ZNF507: variants seen among roughly 807,000 people sequenced by gnomAD.
ZNF507 encodes the protein zinc finger protein 507.
ZNF507 carries 29 observed loss-of-function variants against 80.0 expected under a neutral mutation model. The ratio of observed to expected loss-of-function variants is 0.36; its 90% CI spans 0.27 to 0.49. The LOEUF (loss-of-function observed/expected upper bound fraction) is 0.49, where lower values mean the gene tolerates loss of function less well. Ranked by LOEUF, ZNF507 falls within the 20% of genes least tolerant of loss-of-function variation. The pLI is 0.98. For missense variants in ZNF507, 1,081 were observed against 1,152.2 expected (o/e 0.94, Z 0.90); for synonymous variants, 462 against 422.5 (o/e 1.09, Z -1.15).
intron 4 of ZNF507, chr19:32,356,974 T>A (rs1967261162): frequency 2.6e-6 from 1 of 390,562 alleles, no homozygotes; most frequent in African/African-American, 2.1e-5. Context: ...AGTTGAAACT[T>A]AAGAGCCCCT....
chr19:32,378,242 A>G (rs919617198), intron 5 of ZNF507, among the ~76,000 whole-genome samples: 1 of 152,008 alleles, frequency 6.6e-6, no homozygotes, highest in South Asian at 2.1e-4. Context: ...AATCCCAGCT[A>G]CTCGGGAGGC....
intron 4 of ZNF507, chr19:32,358,292 T>C (rs1159614674): frequency 2.0e-5 from 3 of 152,234 alleles, no homozygotes; most frequent in African/African-American, 4.8e-5. Flanking sequence ...ACAAATAAGG[T>C]AATAATAATT....
chr19:32,371,479 C>CA (rs558295166), intron 5 of ZNF507, among the ~76,000 whole-genome samples: 42,041 of 111,990 alleles, frequency 0.38, 7,458 homozygotes, highest in East Asian at 0.59. Flanking sequence ...ACTCCCATCT[C>CA]AAAAAAAAAA....
rs1460910146 is a variant in ZNF507, at chr19:32,356,725, T to C, written c.2237T>C (p.Val746Ala). Residue 746 changes from valine (V) to alanine (A), a missense_variant, in exon 4 of 7, where the codon GTC becomes GCC. Transcript: ENST00000355898. ...AGTGATACAGCTGATGGAAAATGTG[T>C]CCAGGAAGGTATCTATGTATTTTGT... Reference protein sequence around the residue: ...ISSDTADGKCVQEGNKSSVQK... With the variant: ...ISSDTADGKCAQEGNKSSVQK... 6.2e-7 allele frequency: 1 copy of C among 1,612,832 alleles called. No individual in the cohort carries two copies.
intron 5 of ZNF507, among the ~76,000 whole-genome samples, chr19:32,374,033 C>G (rs901289681): frequency 2.0e-5 from 3 of 152,188 alleles, no homozygotes; most frequent in African/African-American, 7.2e-5. Flanking sequence ...GAAGTTTGTT[C>G]TCTGCAGTTA....
chr19:32,382,724 G>C lies in ZNF507; in HGVS notation c.2503G>C (p.Gly835Arg), dbSNP rs770538666. Residue 835 changes from glycine to arginine, a missense_variant, in exon 7 of 7, where the codon GGG becomes CGG. By Grantham distance (125) the Gly-to-Arg change is moderately radical. Transcript: ENST00000355898. ...DAISQSGRVLGKSPGKTQLKS... is the reference protein window; with the variant it reads ...DAISQSGRVLRKSPGKTQLKS... ...GTTTGTTTTGTTTTTAAGAGTTCTGGGGAAATCCCCTGGAAAGACTCAATT... is the reference window on the plus strand; with the variant it reads ...GTTTGTTTTGTTTTTAAGAGTTCTGCGGAAATCCCCTGGAAAGACTCAATT... 12 of 1,611,652 alleles carry C rather than the reference G, an allele frequency of 7.4e-6. No homozygotes were observed. Among genetic ancestry groups the C allele is most frequent in the African/African-American group, 1.3e-5 (1 of 74,828 alleles).
At chr19:32,356,126 A>G (rs1166027818) in intron 3 of ZNF507, among the ~76,000 whole-genome samples, 1 of 152,192 alleles carries the variant, frequency 6.6e-6, no homozygotes, top group Non-Finnish European at 1.5e-5. Flanking sequence ...AGTCTCCAGG[A>G]GTTTCTTTTG....
intron 5 of ZNF507, among the ~76,000 whole-genome samples, chr19:32,374,188 A>ACACACACACACACT (rs57164942): frequency 1.0e-3 from 152 of 145,836 alleles, no homozygotes; most frequent in East Asian, 4.7e-3. Context: ...ACACACACAC[A>ACACACACACACACT]CTCTCTCTCT....
At position 32,383,722 on chromosome 19, in the gene ZNF507, G is replaced by A. The variant is rs890706113; in HGVS notation, c.*639G>A. On this transcript the variant is annotated 3_prime_UTR_variant, in exon 7 of 7. Transcript: ENST00000355898. The stretch of plus-strand genomic sequence containing the variant: ...AAATTCAAAGCTAGATTGTAAATAG[G>A]CATTCAAGAAGTATTGTCTTAAATT... 3.9e-5 allele frequency: 6 copies of A among 152,176 alleles called. No homozygotes were observed. Among genetic ancestry groups the A allele is most frequent in the Non-Finnish European group, 8.8e-5 (6 of 68,048 alleles). The allele number at this position is 152,176 out of a possible 1,614,324, so 9.4% of individuals were successfully genotyped here. A position where few individuals can be genotyped will look rare whatever the true frequency, so the allele number is the denominator to read the frequency against.
Position 32,382,735 on chromosome 19 carries a change from TG to T in ZNF507, c.2516del (p.Gly839GlufsTer5). 6.2e-7 allele frequency: 1 copy of T among 1,612,810 alleles called. No individual in the cohort carries two copies. The highest frequency in any genetic ancestry group is 8.5e-7 in the Non-Finnish European group (1 of 1,179,220). On this transcript the variant is annotated frameshift_variant, in exon 7 of 7. Coordinates refer to ENST00000355898, the MANE Select transcript of ZNF507 (RefSeq NM_001136156.2). LOFTEE classifies it low-confidence loss of function (END_TRUNC). ...TTTTAAGAGTTCTGGGGAAATCCCC[TG>T]GAAAGACTCAATTAAAGAGCAGTGA... ...QSGRVLGKSP[G>X]KTQLKSSEES...
In ZNF507 at chr19:32,360,917, G is replaced by A. The variant is rs535997874; in HGVS notation, c.2360+299G>A. Among the ~76,000 whole-genome samples, 8 of 152,268 alleles carry A rather than the reference G, an allele frequency of 5.3e-5. No homozygotes were observed. The East Asian group carries it at 7.7e-4, about 15-fold the overall frequency. The stretch of plus-strand genomic sequence containing the variant: ...CTCCCAAAGTGCTGGGATTGCAGGC[G>A]TGAGCCACTGCACCTGGCTGGTATT... On this transcript the variant is annotated intron_variant, in intron 5 of 6. Transcript: ENST00000355898.
intron 5 of ZNF507, among the ~76,000 whole-genome samples, chr19:32,373,759 G>A (rs1223702271): frequency 1.3e-5 from 2 of 152,212 alleles, no homozygotes; most frequent in African/African-American, 4.8e-5. Context: ...TTACATGTAT[G>A]TCTAATTTTG....
intron 5 of ZNF507, among the ~76,000 whole-genome samples, chr19:32,378,408 G>A (rs932345030): frequency 2.6e-5 from 4 of 152,104 alleles, no homozygotes; most frequent in Admixed American, 6.6e-5. Context: ...TTAAGGAGAC[G>A]TGAGGACTAA....
chr19:32,358,586 G>A (rs1284484923), intron 4 of ZNF507: 1 of 152,192 alleles, frequency 6.6e-6, no homozygotes, highest in Non-Finnish European at 1.5e-5. Flanking sequence ...TACCGCAGGA[G>A]CTCAAATAGA....
rs1379687141 is a variant in ZNF507, at chr19:32,382,999, C to G, written c.2778C>G (p.Leu926=). The G allele has an allele frequency of 1.9e-6, 3 of 1,614,104 alleles. No individual in the cohort carries two copies. Among genetic ancestry groups the G allele is most frequent in the Non-Finnish European group, 2.5e-6 (3 of 1,180,006 alleles). ...CGFESTSKEN[L]LDHMKEHEGE... is the part of the protein sequence containing the mutation. ...TTGAATCAACCAGCAAAGAAAACCT[C>G]TTGGATCATATGAAAGAGCACGAGG... The change falls in exon 7 of 7, where the codon CTC becomes CTG. Residue 926 remains leucine (L), a synonymous_variant. Transcript: ENST00000355898.
chr19:32,353,953 G>A lies in ZNF507; in HGVS notation c.1123G>A (p.Asp375Asn). The A allele has an allele frequency of 2.5e-6, 4 of 1,614,154 alleles. No homozygotes were observed. Among genetic ancestry groups the A allele is most frequent in the Non-Finnish European group, 3.4e-6 (4 of 1,180,050 alleles). ...TGATGCAGAGGAGAATCTGATTCCT[G>A]ATAGCCTGCTTACATCAGCACAGAA... ...ISDAEENLIPDSLLTSAQKII... is the reference protein window; with the variant it reads ...ISDAEENLIPNSLLTSAQKII... The change falls in exon 3 of 7, where the codon GAT (aspartate) becomes AAT (asparagine). Residue 375 changes from aspartate to asparagine, a missense_variant. Asp to Asn is a conservative substitution (Grantham distance 23, BLOSUM62 1). Coordinates refer to ENST00000355898, the MANE Select transcript of ZNF507 (RefSeq NM_001136156.2).
rs748182349 is a variant in ZNF507 at position 32,353,382 on chromosome 19, C to T, written c.552C>T (p.Ile184=). Residue 184 remains isoleucine, a synonymous_variant, in exon 3 of 7, where the codon ATC becomes ATT. Transcript: ENST00000355898. The stretch of plus-strand genomic sequence containing the variant: ...ATGACCATGACAATGATGCCAATAT[C>T]CACACCCAATCCAAAGCCCAACAGT... ...VVNDHDNDAN[I]HTQSKAQQCV... is the part of the protein sequence containing the mutation. The T allele has an allele frequency of 1.2e-6, 2 of 1,614,184 alleles. No individual in the cohort carries two copies. Among genetic ancestry groups the T allele is most frequent in the Non-Finnish European group, 1.7e-6 (2 of 1,180,044 alleles).
chr19:32,377,802 G>A (rs1229237161), intron 5 of ZNF507, among the ~76,000 whole-genome samples: 1 of 152,124 alleles, frequency 6.6e-6, no homozygotes, highest in Non-Finnish European at 1.5e-5. Flanking sequence ...CCTTCCCAGT[G>A]GTACACTTTG....
At chr19:32,376,079 A>G (rs766598066) in intron 5 of ZNF507, among the ~76,000 whole-genome samples, 3 of 152,230 alleles carry the variant, frequency 2.0e-5, no homozygotes, top group South Asian at 2.1e-4. Flanking sequence ...ATTCCATCCA[A>G]TGTGAAATGC....
Sources: gnomAD v4.1 joint callset for allele counts (sites outside exome capture counted in the v4.1 genomes callset) on GRCh38, gnomAD v4.1.1 for gene constraint, MANE v1.5 for transcripts, NCBI Gene and HGNC (gene_info 2026-07-23, HGNC 2026-07-21) for gene names.